The following DNAJC2 variants were observed in gnomAD, a reference collection of about 807,000 sequenced individuals.
DNAJC2 encodes dnaJ homolog subfamily C member 2.
In DNAJC2, 32 loss-of-function variants were observed where a neutral mutation model predicts 94.0. The observed-to-expected ratio is 0.34, with a 90% CI of 0.26 to 0.46. The LOEUF (loss-of-function observed/expected upper bound fraction) is 0.46. Among genes scored for constraint, DNAJC2 ranks in the 20% least tolerant of loss-of-function variants. The pLI is 1.00. For synonymous variants in DNAJC2, 210 were observed against 229.7 expected, an observed-to-expected ratio of 0.91 and a Z score of 0.77; for missense variants, 550 against 719.5, an observed-to-expected ratio of 0.76 and a Z score of 2.69.
At position 103,319,599 on chromosome 7, in the gene DNAJC2, C is replaced by T. The variant is rs758024172; in HGVS notation, c.1242+10G>A. ...TACATATAGGTAGGAGTGATGTGTTCCTCTATTACCTGTTTTTCCAAAGCA... is the reference window on the plus strand; with the variant it reads ...TACATATAGGTAGGAGTGATGTGTTTCTCTATTACCTGTTTTTCCAAAGCA... On this transcript the variant is annotated intron_variant, in intron 12 of 16. Coordinates refer to ENST00000379263, the MANE Select transcript of DNAJC2 (RefSeq NM_014377.3). The T allele has an allele frequency of 1.2e-6, 2 of 1,613,460 alleles. No homozygotes were observed. Among genetic ancestry groups the T allele is most frequent in the South Asian group, 1.1e-5 (1 of 91,034 alleles).
chr7:103,316,041 A>G lies in DNAJC2; in HGVS notation c.1475T>C (p.Val492Ala). 2 of 1,601,392 alleles carry G rather than the reference A, an allele frequency of 1.2e-6. No individual in the cohort carries two copies. Among genetic ancestry groups the G allele is most frequent in the Non-Finnish European group, 1.7e-6 (2 of 1,174,370 alleles). ...NYMNIHSSSG[V>A]KRTAKDVIGK... is the part of the protein sequence containing the mutation. ...AATAACATCTTTGGCAGTTCTTTTGACTCCAGAGGAAGAATGTATGTTCAT... is the reference window on the plus strand; with the variant it reads ...AATAACATCTTTGGCAGTTCTTTTGGCTCCAGAGGAAGAATGTATGTTCAT... The change falls in exon 14 of 17, where the codon GTC becomes GCC. Residue 492 changes from valine (V) to alanine (A), a missense_variant. Transcript: ENST00000379263.
intron 3 of DNAJC2, among the ~76,000 whole-genome samples, chr7:103,333,677 G>A (rs1233260064): frequency 6.6e-6 from 1 of 152,142 alleles, no homozygotes; most frequent in African/African-American, 2.4e-5. Flanking sequence ...TCCTCTACCA[G>A]CTGAGGCAAC....
chr7:103,344,477 A>G (rs899841239), intron 1 of DNAJC2, 82 bp downstream of exon 1: 1 of 1,517,582 alleles, frequency 6.6e-7, no homozygotes, highest in Non-Finnish European at 9.1e-7. Context: ...TCAAGGGTAG[A>G]GAGAGCCCAG....
intron 10 of DNAJC2, 149 bp from the exon 11 acceptor site, chr7:103,319,993 C>T (rs1818291893): frequency 1.4e-6 from 1 of 717,294 alleles, no homozygotes; most frequent in Non-Finnish European, 2.4e-6. Context: ...GAGATCACGC[C>T]ACTGCACTCC....
intron 7 of DNAJC2, 113 bp downstream of exon 7, chr7:103,323,485 A>G: frequency 8.9e-7 from 1 of 1,119,438 alleles, no homozygotes; most frequent in South Asian, 1.7e-5. Flanking sequence ...ATTGTTTAAA[A>G]AAGATGTACA....
chr7:103,325,885 CAGAG>C (rs918510981), intron 5 of DNAJC2, among the ~76,000 whole-genome samples: 1 of 152,002 alleles, frequency 6.6e-6, no homozygotes, highest in African/African-American at 2.4e-5. Context: ...GACAATGAGT[CAGAG>C]AGTAGTATAC....
At position 103,316,284 on chromosome 7, in the gene DNAJC2, C is replaced by T. The variant is rs74615487; in HGVS notation, c.1428-196G>A. ...TTTGCTTTTCATGTGTTTAAATCAA[C>T]GATAATCTTGGTTTTAAGTCCATAC... On this transcript the variant is annotated intron_variant, in intron 13 of 16. Transcript: ENST00000379263. The T allele has an allele frequency of 1.8e-3, 700 of 396,862 alleles. 4 individuals carry two copies. The highest frequency in any genetic ancestry group is 0.014 in the African/African-American group (667 of 48,460). 24.6% of individuals were successfully genotyped at this position (396,862 alleles called of 1,614,324 possible).
intron 15 of DNAJC2, chr7:103,313,348 T>A: frequency 8.4e-7 from 1 of 1,186,944 alleles, no homozygotes; most frequent in Non-Finnish European, 1.0e-6. Flanking sequence ...ATCTACCTTG[T>A]ACTGTTTATC....
intron 10 of DNAJC2, 141 bp downstream of exon 10, chr7:103,321,791 T>C (rs1818432772): frequency 1.1e-6 from 1 of 877,884 alleles, no homozygotes; most frequent in African/African-American, 1.7e-5. Flanking sequence ...GAAATTGCGG[T>C]GAACTGAGAT....
rs2115787007 is a variant in DNAJC2 at position 103,316,294 on chromosome 7, GGTTT to G, written c.1428-210_1428-207del. The G allele has an allele frequency of 7.7e-6, 3 of 387,420 alleles. No individual in the cohort carries two copies. In the East Asian group the frequency reaches 1.2e-4, roughly 15 times the overall value. The allele number at this position is 387,420 out of a possible 1,614,324, so 24.0% of individuals were successfully genotyped here. On this transcript the variant is annotated intron_variant, in intron 13 of 16. Coordinates refer to ENST00000379263, the MANE Select transcript of DNAJC2 (RefSeq NM_014377.3). ...ATGTGTTTAAATCAACGATAATCTT[GGTTT>G]TAAGTCCATACATCTTACAGATTTG...
chr7:103,316,113 T>C (rs1319561258), intron 13 of DNAJC2, 25 bp from the exon 14 acceptor site: 1 of 1,432,742 alleles, frequency 7.0e-7, no homozygotes, highest in Non-Finnish European at 9.5e-7. Flanking sequence ...TATACAATAA[T>C]ATGAATAGTA....
intron 3 of DNAJC2, chr7:103,335,460 A>G (rs952005005): frequency 6.6e-6 from 1 of 152,072 alleles, no homozygotes; most frequent in Non-Finnish European, 1.5e-5. Context: ...TATTGTTAAC[A>G]ATCTCTACAC....
chr7:103,326,414 A>C lies in DNAJC2; in HGVS notation c.572+129T>G, dbSNP rs985468099. On this transcript the variant is annotated intron_variant, in intron 5 of 16. Transcript: ENST00000379263. ...GGGCTGAATATTGCAGAGAAGGAGGAGGAGGAGGAAGAGACAGTGGAAATA... is the reference window on the plus strand; with the variant it reads ...GGGCTGAATATTGCAGAGAAGGAGGCGGAGGAGGAAGAGACAGTGGAAATA... 3.4e-6 allele frequency: 3 copies of C among 882,802 alleles called. No individual in the cohort carries two copies. The African/African-American group carries it at 5.2e-5, about 15-fold the overall frequency. 54.7% of individuals were successfully genotyped at this position (882,802 alleles called of 1,614,324 possible).
rs59182081 is a variant in DNAJC2, at chr7:103,313,481, C to T, written c.1637-380G>A. On this transcript the variant is annotated intron_variant, in intron 15 of 16. Coordinates refer to ENST00000379263, the MANE Select transcript of DNAJC2 (RefSeq NM_014377.3). Reference sequence around the variant, plus strand: ...TTCATTAAGAGTTCTGATAAATCTACTTCCTTACAGAATAGGTAAAAGAGC... The same window carrying T: ...TTCATTAAGAGTTCTGATAAATCTATTTCCTTACAGAATAGGTAAAAGAGC... 3,270 of 985,040 alleles carry T rather than the reference C, an allele frequency of 3.3e-3. 69 individuals carry two copies. In the African/African-American group the frequency reaches 0.054, roughly 16 times the overall value. The allele number at this position is 985,040 out of a possible 1,614,324, so 61.0% of individuals were successfully genotyped here.
At chr7:103,337,110 CACTAA>C (rs1819204322) in intron 3 of DNAJC2, 3 of 152,202 alleles carry the variant, frequency 2.0e-5, no homozygotes, top group Non-Finnish European at 4.4e-5. Flanking sequence ...TTACCTCTTT[CACTAA>C]ACTTTATTAA....
intron 2 of DNAJC2, among the ~76,000 whole-genome samples, chr7:103,338,174 G>A (rs939947041): frequency 6.6e-6 from 1 of 151,740 alleles, no homozygotes; most frequent in Non-Finnish European, 1.5e-5. Context: ...GGAGGCAGAA[G>A]TAGCAGGATT....
intron 12 of DNAJC2, among the ~76,000 whole-genome samples, chr7:103,319,352 A>T (rs1467763742): frequency 6.6e-6 from 1 of 151,936 alleles, no homozygotes; most frequent in Non-Finnish European, 1.5e-5. Flanking sequence ...CAGGAGAATC[A>T]CTTGAACCCG....
intron 1 of DNAJC2, among the ~76,000 whole-genome samples, chr7:103,343,228 T>C (rs1451165068): frequency 6.6e-6 from 1 of 151,858 alleles, no homozygotes; most frequent in African/African-American, 2.4e-5. Context: ...CTCGAACTGC[T>C]GACCTCAGGT....
intron 15 of DNAJC2, 122 bp downstream of exon 15, chr7:103,315,642 A>G (rs542857117): frequency 1.3e-5 from 8 of 606,066 alleles, no homozygotes; most frequent in African/African-American, 5.6e-5. Context: ...GTTTGCTTAC[A>G]GCTTCCAGTC....
Sources: allele counts gnomAD v4.1 joint callset (sites outside exome capture counted in the v4.1 genomes callset), GRCh38; gene constraint gnomAD v4.1.1; transcripts MANE v1.5; gene names NCBI Gene and HGNC (gene_info 2026-07-23, HGNC 2026-07-21).